Variants in MYO1C observed in about 807,000 individuals in gnomAD.
MYO1C encodes the protein unconventional myosin-Ic.
A neutral mutation model predicts 150.8 loss-of-function variants in MYO1C; 104 were observed. That is an observed-to-expected ratio of 0.69 (90% confidence interval 0.59 to 0.81). The LOEUF (loss-of-function observed/expected upper bound fraction) is 0.81. MYO1C is among the 30% of genes least tolerant of loss of function. The probability of loss-of-function intolerance (pLI) is 0.00; values close to 1 mark genes in which losing one functional copy is unlikely to be tolerated. For missense variants in MYO1C, 1,504 were observed against 1,435.0 expected (o/e 1.05, Z -0.78); for synonymous variants, 663 against 579.9 (o/e 1.14, Z -2.06).
Position 1,492,519 on chromosome 17 carries a change from C to T in MYO1C, c.-32G>A. The T allele has an allele frequency of 6.4e-7, 1 of 1,572,732 alleles. No homozygotes were observed. Among genetic ancestry groups the T allele is most frequent in the South Asian group, 1.2e-5 (1 of 86,408 alleles). Reference sequence around the variant, plus strand: ...CTGCGGAGAGCCAGCGGCCTGGGCACCGCGGCCTGTGAGCAAGAGCTGCCT... The same window carrying T: ...CTGCGGAGAGCCAGCGGCCTGGGCATCGCGGCCTGTGAGCAAGAGCTGCCT... On this transcript the variant is annotated 5_prime_UTR_variant, in exon 1 of 32. The change creates a new upstream start codon in the 5' untranslated region. Transcript: ENST00000648651.
rs756517255 is a variant in MYO1C at position 1,470,674 on chromosome 17, G to A, written c.2228C>T (p.Ala743Val). The A allele has an allele frequency of 4.4e-6, 7 of 1,607,430 alleles. No individual in the cohort carries two copies. Among genetic ancestry groups the A allele is most frequent in the South Asian group, 3.3e-5 (3 of 90,786 alleles). Residue 743 changes from alanine to valine, a missense_variant, in exon 22 of 32, where the codon GCT becomes GTT. Physicochemically the swap from Ala to Val is moderately conservative, Grantham distance 64 (BLOSUM62 0). Transcript: ENST00000648651. Reference sequence around the variant, plus strand: ...CCGCCAGTGAAAGCCCCTCCAGGCAGCTTGGATCTTTGTGGCTGCGGTTGG... The same window carrying A: ...CCGCCAGTGAAAGCCCCTCCAGGCAACTTGGATCTTTGTGGCTGCGGTTGG... ...RRQSLATKIQ[A>V]AWRGFHWRQK... is the part of the protein sequence containing the mutation.
Position 1,492,547 on chromosome 17 carries a change from C to CAGTGGGCAGGCAG in MYO1C, c.-61_-60insCTGCCTGCCCACT. ...CGGCCTGTGAGCAAGAGCTGCCTGC[C>CAGTGGGCAGGCAG]CACTGGCGGGCTCCGACCACTCCGG... is the stretch of plus-strand genomic sequence containing the variant. On this transcript the variant is annotated 5_prime_UTR_variant, in exon 1 of 32. Coordinates refer to ENST00000648651, the MANE Select transcript of MYO1C (RefSeq NM_001080779.2). 6.6e-7 allele frequency: 1 copy of CAGTGGGCAGGCAG among 1,510,942 alleles called. No individual in the cohort carries two copies. The highest frequency in any genetic ancestry group is 9.0e-7 in the Non-Finnish European group (1 of 1,109,764). 93.6% of individuals were successfully genotyped at this position (1,510,942 alleles called of 1,614,324 possible). A position where few individuals can be genotyped will look rare whatever the true frequency, so the allele number is the denominator to read the frequency against.
intron 14 of MYO1C, 52 bp downstream of exon 14, chr17:1,477,453 G>A (rs1190039186): frequency 1.9e-6 from 3 of 1,539,384 alleles, no homozygotes; most frequent in Admixed American, 1.7e-5. Flanking sequence ...GCACTCCGCA[G>A]GCTCTGCTGC....
intron 17 of MYO1C, among the ~76,000 whole-genome samples, 180 bp downstream of exon 17, chr17:1,474,427 CAAA>C (rs869242496): frequency 3.5e-4 from 30 of 85,720 alleles, no homozygotes; most frequent in Middle Eastern, 6.9e-3. Context: ...GACCCTGTCT[CAAA>C]AAAAAAAAAA....
intron 16 of MYO1C, 46 bp from the exon 17 acceptor site, chr17:1,474,736 G>A (rs1177104177): frequency 6.2e-7 from 1 of 1,613,412 alleles, no homozygotes; most frequent in Admixed American, 1.7e-5. Context: ...GGGACAGGCA[G>A]GACAGGCTCC....
Position 1,470,346 on chromosome 17 carries a change from G to A in MYO1C, c.2367-12C>T. On this transcript the variant is annotated splice_polypyrimidine_tract_variant and intron_variant, in intron 23 of 31. Coordinates refer to ENST00000648651, the MANE Select transcript of MYO1C (RefSeq NM_001080779.2). ...AGCCTCGGATGAGCCTGGGGTGGGG[G>A]GCCAGACAGGGTTGGGGGTGAGGGG... The A allele has an allele frequency of 6.6e-7, 1 of 1,511,112 alleles. No individual in the cohort carries two copies. 93.6% of individuals were successfully genotyped at this position (1,511,112 alleles called of 1,614,324 possible). A position where few individuals can be genotyped will look rare whatever the true frequency, so the allele number is the denominator to read the frequency against.
In MYO1C at chr17:1,479,432, T is replaced by A; in HGVS notation, c.1091A>T (p.Glu364Val). ...THRKIIAKGEELLSPLNLEQA... is the reference protein window; with the variant it reads ...THRKIIAKGEVLLSPLNLEQA... ...CCGAGGGCAAGGGCCCGGCCTCACC[T>A]CCTCCCCCTTGGCGATGATCTTCCT... Residue 364 changes from glutamate (E) to valine (V), a missense_variant and splice_region_variant, in exon 9 of 32, where the codon GAG becomes GTG. Glu to Val is a moderately radical substitution (Grantham distance 121). Transcript: ENST00000648651. This position sits in a 1 kb window ranked among gnomAD's most constrained non-coding sequence, Gnocchi z 4.2. The A allele has an allele frequency of 1.4e-6, 2 of 1,406,876 alleles. No homozygotes were observed. Among genetic ancestry groups the A allele is most frequent in the Non-Finnish European group, 2.0e-6 (2 of 1,020,460 alleles). 87.1% of individuals were successfully genotyped at this position (1,406,876 alleles called of 1,614,324 possible). A position where few individuals can be genotyped will look rare whatever the true frequency, so the allele number is the denominator to read the frequency against.
rs775159227 is a variant in MYO1C at position 1,478,523 on chromosome 17, C to T, written c.1213-31G>A. The T allele has an allele frequency of 6.2e-7, 1 of 1,613,774 alleles. No individual in the cohort carries two copies. The highest frequency in any genetic ancestry group is 1.1e-5 in the South Asian group (1 of 91,086). On this transcript the variant is annotated intron_variant, in intron 10 of 31. Transcript: ENST00000648651. This position sits in a 1 kb window ranked among gnomAD's most constrained non-coding sequence, Gnocchi z 6.3. Reference sequence around the variant, plus strand: ...GCAGTCATTCAACCGAAGGCGTGGGCCCCCTGCGCGTGCCAGCCCCACCCT... The same window carrying T: ...GCAGTCATTCAACCGAAGGCGTGGGTCCCCTGCGCGTGCCAGCCCCACCCT...
chr17:1,465,756 T>C lies in MYO1C; in HGVS notation c.3166-4A>G. ...GAGAATTCAGCCGTGGGGCGACCTG[T>C]GGGGGCGGAGAGAGACGGCCAAGTG... is the stretch of plus-strand genomic sequence containing the variant. On this transcript the variant is annotated splice_region_variant and splice_polypyrimidine_tract_variant and intron_variant, in intron 31 of 31. Transcript: ENST00000648651. The C allele has an allele frequency of 7.6e-7, 1 of 1,320,138 alleles. No individual in the cohort carries two copies. The highest frequency in any genetic ancestry group is 9.8e-7 in the Non-Finnish European group (1 of 1,025,578). 81.8% of individuals were successfully genotyped at this position (1,320,138 alleles called of 1,614,324 possible). A position where few individuals can be genotyped will look rare whatever the true frequency, so the allele number is the denominator to read the frequency against.
At chr17:1,471,446 C>T (rs1042065188) in intron 19 of MYO1C, 110 bp from the exon 20 acceptor site, 2 of 858,332 alleles carry the variant, frequency 2.3e-6, no homozygotes, top group Non-Finnish European at 3.8e-6. Flanking sequence ...TCGTTCACAG[C>T]TAGCAGGAGG....
At chr17:1,485,700 C>G (rs1415057182) in intron 1 of MYO1C, 10 of 1,200,172 alleles carry the variant, frequency 8.3e-6, no homozygotes, top group Admixed American at 4.2e-5. Flanking sequence ...TCACCGACGC[C>G]CGGTAGCGCA....
chr17:1,483,552 C>A, intron 3 of MYO1C, 58 bp downstream of exon 3: 4 of 1,265,444 alleles, frequency 3.2e-6, no homozygotes, highest in Middle Eastern at 1.9e-4. Flanking sequence ...AAGGGTTGGG[C>A]GGGGTCACCT....
intron 1 of MYO1C, chr17:1,484,547 C>T (rs182863657): frequency 2.6e-4 from 158 of 600,886 alleles, no homozygotes; most frequent in African/African-American, 2.5e-3. Flanking sequence ...ACCGAGGCTG[C>T]GGGCACAGAA....
At chr17:1,474,025 G>A (rs914272134) in intron 17 of MYO1C, among the ~76,000 whole-genome samples, 1 of 152,108 alleles carries the variant, frequency 6.6e-6, no homozygotes, top group Non-Finnish European at 1.5e-5. Context: ...AGAGGCAGCT[G>A]TCAACATATG....
intron 1 of MYO1C, chr17:1,485,576 C>G: frequency 1.3e-6 from 1 of 791,738 alleles, no homozygotes; most frequent in Non-Finnish European, 1.6e-6. Flanking sequence ...CTTCCCGGGA[C>G]GTTTTTCCAC....
chr17:1,474,709 G>A lies in MYO1C; in HGVS notation c.1717-19C>T, dbSNP rs1567521985. On this transcript the variant is annotated intron_variant, in intron 16 of 31. Transcript: ENST00000648651. ...ACATGGTCTGTGTGGGCAGAGCCGG[G>A]GTCAGGGTGGGGCACAGGGACAGGC... The A allele has an allele frequency of 6.2e-7, 1 of 1,613,892 alleles. No individual in the cohort carries two copies. The highest frequency in any genetic ancestry group is 1.3e-5 in the African/African-American group (1 of 75,044).
At chr17:1,469,778 G>T (rs1446768306) in intron 24 of MYO1C, among the ~76,000 whole-genome samples, 164 bp from the exon 25 acceptor site, 1 of 152,052 alleles carries the variant, frequency 6.6e-6, no homozygotes, top group Non-Finnish European at 1.5e-5. Flanking sequence ...CTCACGCCTG[G>T]AATCCCAGCA....
intron 2 of MYO1C, 126 bp from the exon 3 acceptor site, chr17:1,483,851 C>T (rs971068880): frequency 1.3e-6 from 1 of 774,200 alleles, no homozygotes; most frequent in African/African-American, 1.7e-5. Flanking sequence ...CAAGACCAAC[C>T]TGACCAACAT....
Position 1,471,289 on chromosome 17 carries a change from G to A in MYO1C, c.2069C>T (p.Pro690Leu), listed in dbSNP as rs191439095. 9.8e-5 allele frequency: 158 copies of A among 1,613,910 alleles called. No individual in the cohort carries two copies. The highest frequency in any genetic ancestry group is 8.2e-4 in the Middle Eastern group (5 of 6,062). ...PETWPTWAGR[P>L]QDGVAVLVRH... ...GACCAGCACAGCCACCCCATCCTGC[G>A]GCCGTCCTGCCCACGTGGGCCACGT... Residue 690 changes from proline (P) to leucine (L), a missense_variant, in exon 20 of 32, where the codon CCG becomes CTG. Transcript: ENST00000648651.
Sources: gnomAD v4.1 joint callset for allele counts (sites outside exome capture counted in the v4.1 genomes callset) on GRCh38, gnomAD v4.1.1 for gene constraint, Gnocchi (gnomAD v3.1) non-coding constraint, MANE v1.5 for transcripts, NCBI Gene and HGNC (gene_info 2026-07-23, HGNC 2026-07-21) for gene names.